The following TNNI3K variants were observed in gnomAD, a reference collection of about 807,000 sequenced individuals.
The protein encoded by TNNI3K is serine/threonine-protein kinase TNNI3K.
TNNI3K carries 140 observed loss-of-function variants against 114.5 expected under a neutral mutation model. That is an observed-to-expected ratio of 1.22 (90% CI 1.07 to 1.41). TNNI3K has a LOEUF of 1.41. Ranked by LOEUF, TNNI3K falls within the 40% of genes most tolerant of loss-of-function variation. TNNI3K has a pLI of 0.00. For missense variants in TNNI3K, 1,125 were observed against 1,007.6 expected, an observed-to-expected ratio of 1.12 and a Z score of -1.58; for synonymous variants, 347 against 347.5, an observed-to-expected ratio of 1.00 and a Z score of 0.02.
At chr1:74,542,868 C>T (rs1395797654) in intron 24 of TNNI3K, among the ~76,000 whole-genome samples, 1 of 152,046 alleles carries the variant, frequency 6.6e-6, no homozygotes, top group Non-Finnish European at 1.5e-5. Context: ...GGACAGTGGC[C>T]TGATCCTGAG....
intron 21 of TNNI3K, among the ~76,000 whole-genome samples, chr1:74,486,944 C>T (rs184084437): frequency 6.6e-6 from 1 of 152,000 alleles, no homozygotes; most frequent in Admixed American, 6.6e-5. Context: ...GCAATGAGAT[C>T]TTTGTAACCT....
intron 23 of TNNI3K, among the ~76,000 whole-genome samples, chr1:74,514,860 G>A (rs1342875897): frequency 6.6e-6 from 1 of 152,176 alleles, no homozygotes; most frequent in Non-Finnish European, 1.5e-5. Flanking sequence ...TTTGGAAACA[G>A]GGTTGTTGCA....
chr1:74,342,780 T>A (rs1322605015), intron 7 of TNNI3K, 62 bp from the exon 8 acceptor site: 22 of 1,589,788 alleles, frequency 1.4e-5, no homozygotes, highest in East Asian at 2.2e-5. Flanking sequence ...ATACTATACA[T>A]ATGAAGGTTG....
chr1:74,249,088 T>C lies in TNNI3K; in HGVS notation c.150-371T>C, dbSNP rs1654767965. On this transcript the variant is annotated intron_variant, in intron 2 of 24. Coordinates refer to ENST00000326637, the MANE Select transcript of TNNI3K (RefSeq NM_015978.3). ...CATAATAATCAATTTTATATATGTA[T>C]TATGTAAGTATTCCCTACTAACAGT... is the stretch of plus-strand genomic sequence containing the variant. Among the ~76,000 whole-genome samples, 6 of 151,976 alleles carry C rather than the reference T, an allele frequency of 3.9e-5. No homozygotes were observed. In the South Asian group the frequency reaches 1.2e-3, roughly 32 times the overall value.
At chr1:74,255,140 G>A (rs1655194383) in intron 4 of TNNI3K, among the ~76,000 whole-genome samples, 1 of 151,998 alleles carries the variant, frequency 6.6e-6, no homozygotes, top group South Asian at 2.1e-4. Flanking sequence ...GGATCACGAG[G>A]TCAGGAGATC....
At chr1:74,402,964 T>G (rs1003064191) in intron 17 of TNNI3K, among the ~76,000 whole-genome samples, 1 of 152,228 alleles carries the variant, frequency 6.6e-6, no homozygotes, top group Admixed American at 6.5e-5. Flanking sequence ...TTAACAACTC[T>G]GTAGTATTCC....
chr1:74,380,102 C>G (rs1663121554), intron 17 of TNNI3K, among the ~76,000 whole-genome samples: 1 of 152,126 alleles, frequency 6.6e-6, no homozygotes, highest in Admixed American at 6.5e-5. Context: ...AATTTACCAT[C>G]TCTTACAGTA....
At chr1:74,247,606 CATTTACA>C (rs1220096144) in intron 2 of TNNI3K, among the ~76,000 whole-genome samples, 1 of 152,126 alleles carries the variant, frequency 6.6e-6, no homozygotes, top group Non-Finnish European at 1.5e-5. Flanking sequence ...CTGATTGGTG[CATTTACA>C]ATCCCTGAGC....
rs370113173 is a variant in TNNI3K at position 74,235,472 on chromosome 1, A to G, written c.21A>G (p.Arg7=). 3 of 1,510,272 alleles carry G rather than the reference A, an allele frequency of 2.0e-6. No individual in the cohort carries two copies. Among genetic ancestry groups the G allele is most frequent in the African/African-American group, 1.4e-5 (1 of 71,178 alleles). The allele number at this position is 1,510,272 out of a possible 1,614,324, so 93.6% of individuals were successfully genotyped here. ...AATAAATGGGAAATTATAAATCTAG[A>G]CCAACCCAAACTTGTACTGGTAATT... MGNYKS[R]PTQTCTDEWK... Residue 7 remains arginine, a synonymous_variant, in exon 1 of 25, where the codon AGA becomes AGG. Coordinates refer to ENST00000326637, the MANE Select transcript of TNNI3K (RefSeq NM_015978.3).
chr1:74,339,366 G>A (rs1660640242), intron 7 of TNNI3K, among the ~76,000 whole-genome samples: 1 of 152,004 alleles, frequency 6.6e-6, no homozygotes, highest in Admixed American at 6.6e-5. Flanking sequence ...TCAACCAATT[G>A]CAAAAAATAA....
chr1:74,288,973 T>C (rs1230792958), intron 5 of TNNI3K, among the ~76,000 whole-genome samples: 1 of 152,006 alleles, frequency 6.6e-6, no homozygotes, highest in African/African-American at 2.4e-5. Context: ...AAAAGTTATA[T>C]GTGGGGATAT....
intron 20 of TNNI3K, among the ~76,000 whole-genome samples, chr1:74,450,780 T>C (rs1666955773): frequency 6.6e-6 from 1 of 152,154 alleles, no homozygotes; most frequent in Admixed American, 6.5e-5. Context: ...GAAATAGGAA[T>C]GCTTTTACAC....
intron 20 of TNNI3K, among the ~76,000 whole-genome samples, chr1:74,460,175 A>C (rs1042509787): frequency 3.3e-5 from 5 of 151,626 alleles, no homozygotes; most frequent in Admixed American, 6.6e-5. Context: ...TCCCAGGTTG[A>C]AGTGATTTTC....
intron 9 of TNNI3K, among the ~76,000 whole-genome samples, chr1:74,352,178 C>A (rs1324440061): frequency 6.6e-6 from 1 of 152,110 alleles, no homozygotes; most frequent in African/African-American, 2.4e-5. Context: ...GTTAGTTTTC[C>A]TTCTAACAGT....
intron 22 of TNNI3K, 129 bp from the exon 23 acceptor site, chr1:74,491,968 G>A (rs1239015250): frequency 1.5e-6 from 2 of 1,324,782 alleles, no homozygotes; most frequent in Non-Finnish European, 9.9e-7. Flanking sequence ...GAAAAGCCAG[G>A]AGCAAGCTGA....
At chr1:74,526,359 T>C (rs1646504168) in intron 23 of TNNI3K, among the ~76,000 whole-genome samples, 2 of 152,112 alleles carry the variant, frequency 1.3e-5, no homozygotes, top group African/African-American at 4.8e-5. Flanking sequence ...ATCAATAAAA[T>C]TGGTTTTGTG....
At chr1:74,502,735 C>T (rs1398107288) in intron 23 of TNNI3K, among the ~76,000 whole-genome samples, 1 of 152,176 alleles carries the variant, frequency 6.6e-6, no homozygotes, top group African/African-American at 2.4e-5. Flanking sequence ...AGCCACTTTG[C>T]CTCAGCTTAT....
At chr1:74,526,319 G>C (rs1169492367) in intron 23 of TNNI3K, among the ~76,000 whole-genome samples, 2 of 152,062 alleles carry the variant, frequency 1.3e-5, no homozygotes, top group African/African-American at 4.8e-5. Flanking sequence ...TGCTCTGTGG[G>C]CTCCAATCTA....
chr1:74,466,116 C>G (rs926322438), intron 21 of TNNI3K, among the ~76,000 whole-genome samples: 4 of 152,294 alleles, frequency 2.6e-5, no homozygotes, highest in African/African-American at 9.6e-5. Flanking sequence ...GGAAGAAACT[C>G]CGGACATATC....
Sources: gnomAD v4.1 joint callset for allele counts (sites outside exome capture counted in the v4.1 genomes callset) on GRCh38, gnomAD v4.1.1 for gene constraint, MANE v1.5 for transcripts, NCBI Gene and HGNC (gene_info 2026-07-23, HGNC 2026-07-21) for gene names.